DSG3: variants seen among roughly 807,000 people sequenced by gnomAD.
The protein encoded by DSG3 is desmoglein 3, also known as desmoglein-3.
A neutral mutation model predicts 85.9 loss-of-function variants in DSG3; 63 were observed. That is an observed-to-expected ratio of 0.73 (90% CI 0.60 to 0.90). The LOEUF is 0.90. DSG3 is among the 40% of genes least tolerant of loss of function. The probability of loss-of-function intolerance (pLI) is 0.00; values close to 1 mark genes in which losing one functional copy is unlikely to be tolerated. For synonymous variants in DSG3, 447 were observed against 441.9 expected (o/e 1.01, Z -0.14); for missense variants, 1,220 against 1,219.9 (o/e 1.00, Z 0.00).
In DSG3 at chr18:31,461,803, T is replaced by A. The variant is rs80272141; in HGVS notation, c.999+391T>A. On this transcript the variant is annotated intron_variant, in intron 8 of 15. Coordinates refer to ENST00000257189, the MANE Select transcript of DSG3 (RefSeq NM_001944.3). ...CAAGATAAGAATGGATGGAATCACG[T>A]CTTGCCCATTCGTCAATCGGTTTTA... Among the ~76,000 whole-genome samples the A allele has an allele frequency of 8.6e-3, 1,311 of 152,334 alleles. 18 individuals are homozygous for A. The highest frequency in any genetic ancestry group is 0.03 in the African/African-American group (1,257 of 41,576).
intron 12 of DSG3, among the ~76,000 whole-genome samples, chr18:31,470,351 T>C (rs1040563288): frequency 6.6e-6 from 1 of 152,164 alleles, no homozygotes; most frequent in African/African-American, 2.4e-5. Context: ...TGCAATATTT[T>C]TTCAGGTCCC....
intron 1 of DSG3, among the ~76,000 whole-genome samples, chr18:31,449,466 ATTC>A (rs1276903144): frequency 6.6e-6 from 1 of 151,392 alleles, no homozygotes; most frequent in Non-Finnish European, 1.5e-5. Flanking sequence ...GCTAAGGGGG[ATTC>A]TTTTTTTTTT....
intron 1 of DSG3, among the ~76,000 whole-genome samples, chr18:31,455,540 A>G (rs1320222807): frequency 6.6e-6 from 1 of 152,256 alleles, no homozygotes; most frequent in African/African-American, 2.4e-5. Context: ...GGTACAGAAT[A>G]TGTGTTGTAC....
chr18:31,449,722 A>G (rs966050400), intron 1 of DSG3, among the ~76,000 whole-genome samples: 1 of 152,202 alleles, frequency 6.6e-6, no homozygotes, highest in African/African-American at 2.4e-5. Context: ...AATGACATGT[A>G]TTTGGTTCCA....
chr18:31,458,526 T>G lies in DSG3; in HGVS notation c.298T>G (p.Phe100Val). Residue 100 changes from phenylalanine to valine, a missense_variant, in exon 4 of 16, where the codon TTT becomes GTT. Physicochemically the swap from Phe to Val is conservative, Grantham distance 50. Transcript: ENST00000257189. ...VGIDQPPFGIFVVDKNTGDIN... is the reference protein window; with the variant it reads ...VGIDQPPFGIVVVDKNTGDIN... ...AATCGATCAGCCGCCTTTTGGAATC[T>G]TTGTTGTTGACAAAAACACTGGAGA... 1.9e-6 allele frequency: 3 copies of G among 1,614,086 alleles called. No individual in the cohort carries two copies. Among genetic ancestry groups the G allele is most frequent in the Non-Finnish European group, 2.5e-6 (3 of 1,179,960 alleles).
chr18:31,475,819 T>TA lies in DSG3; in HGVS notation c.2565dup (p.Leu856ThrfsTer9), dbSNP rs1568092705. ...TCTTGGACTCACTTGGACCCAAATT[T>TA]AAAAAACTTGCAGAGATAAGCCTTG... On this transcript the variant is annotated frameshift_variant, in exon 16 of 16. Transcript: ENST00000257189. LOFTEE classifies it low-confidence loss of function (END_TRUNC). The TA allele has an allele frequency of 1.9e-6, 3 of 1,614,092 alleles. No individual in the cohort carries two copies. The South Asian group carries it at 3.3e-5, about 18-fold the overall frequency.
Position 31,458,969 on chromosome 18 carries a change from A to G in DSG3, c.373-64A>G, listed in dbSNP as rs1053241622. 8 of 1,558,934 alleles carry G rather than the reference A, an allele frequency of 5.1e-6. No individual in the cohort carries two copies. The Admixed American group carries it at 1.2e-4, about 24-fold the overall frequency. On this transcript the variant is annotated intron_variant, in intron 4 of 15. Coordinates refer to ENST00000257189, the MANE Select transcript of DSG3 (RefSeq NM_001944.3). Reference sequence around the variant, plus strand: ...CCATGCCAACAGAGGCCTTATTTATACAAGTTTTAATAGTATGAAAACTGA... The same window carrying G: ...CCATGCCAACAGAGGCCTTATTTATGCAAGTTTTAATAGTATGAAAACTGA...
rs1395703838 is a variant in DSG3, at chr18:31,459,177, A to G, written c.517A>G (p.Asn173Asp). 1.1e-5 allele frequency: 18 copies of G among 1,611,384 alleles called. No homozygotes were observed. The highest frequency in any genetic ancestry group is 2.1e-4 in the Middle Eastern group (1 of 4,746). The change falls in exon 5 of 16, where the codon AAC (asparagine) becomes GAC (aspartate). Residue 173 changes from asparagine to aspartate, a missense_variant and splice_region_variant. By Grantham distance (23) the Asn-to-Asp change is conservative. Coordinates refer to ENST00000257189, the MANE Select transcript of DSG3 (RefSeq NM_001944.3). ...TGAAATTGAAGAAAATAGTGCCTCAAGTAAGTCTTTTACAGTACTTACCAC... is the reference window on the plus strand; with the variant it reads ...TGAAATTGAAGAAAATAGTGCCTCAGGTAAGTCTTTTACAGTACTTACCAC... ...MGEIEENSAS[N>D]SLVMILNATD... is the part of the protein sequence containing the mutation.
In DSG3 at chr18:31,475,964, T is replaced by A; in HGVS notation, c.2704T>A (p.Ser902Thr). Residue 902 changes from serine (S) to threonine (T), a missense_variant, in exon 16 of 16, where the codon TCA becomes ACA. Physicochemically the swap from Ser to Thr is moderately conservative, Grantham distance 58. Coordinates refer to ENST00000257189, the MANE Select transcript of DSG3 (RefSeq NM_001944.3). ...AGGATTTGTTAAGTGCCAGACTTTG[T>A]CAGGAAGTCAAGGAGCTTCTGCTTT... ...QTGFVKCQTL[S>T]GSQGASALST... 2 of 1,614,232 alleles carry A rather than the reference T, an allele frequency of 1.2e-6. No individual in the cohort carries two copies. Among genetic ancestry groups the A allele is most frequent in the East Asian group, 4.5e-5 (2 of 44,882 alleles).
intron 1 of DSG3, among the ~76,000 whole-genome samples, chr18:31,449,533 T>C (rs2072698953): frequency 6.6e-6 from 1 of 152,216 alleles, no homozygotes; most frequent in Non-Finnish European, 1.5e-5. Flanking sequence ...GGAGTGACTG[T>C]GACATCCTTA....
rs770169881 is a variant in DSG3 at position 31,475,897 on chromosome 18, T to C, written c.2637T>C (p.Tyr879=). ...EVQPPSKDSG[Y]GIESCGHPIE... is the part of the protein sequence containing the mutation. ...AGCCACCCTCTAAAGACAGCGGTTA[T>C]GGGATTGAATCCTGTGGCCATCCCA... The change falls in exon 16 of 16, where the codon TAT becomes TAC. Residue 879 remains tyrosine (Y), a synonymous_variant. Coordinates refer to ENST00000257189, the MANE Select transcript of DSG3 (RefSeq NM_001944.3). 5.0e-6 allele frequency: 8 copies of C among 1,614,094 alleles called. No homozygotes were observed. In the South Asian group the frequency reaches 6.6e-5, roughly 13 times the overall value.
At chr18:31,457,521 CTCTTTCTTTCTT>C (rs142328218) in intron 3 of DSG3, among the ~76,000 whole-genome samples, 1 of 142,374 alleles carries the variant, frequency 7.0e-6, no homozygotes, top group Non-Finnish European at 1.5e-5. Flanking sequence ...TTATACTATT[CTCTTTCTTTCTT>C]TCTTTCTTTC....
chr18:31,454,646 A>G (rs1311297519), intron 1 of DSG3, among the ~76,000 whole-genome samples: 2 of 151,722 alleles, frequency 1.3e-5, no homozygotes, highest in South Asian at 2.1e-4. Context: ...ATTGACTGTC[A>G]TATAATTTTC....
At chr18:31,452,369 A>C (rs1403483968) in intron 1 of DSG3, among the ~76,000 whole-genome samples, 1 of 152,034 alleles carries the variant, frequency 6.6e-6, no homozygotes, top group Non-Finnish European at 1.5e-5. Flanking sequence ...AAATACAAAA[A>C]TTAGCTGGGC....
rs1568085976 is a variant in DSG3 at position 31,456,487 on chromosome 18, A to G, written c.84+12A>G. On this transcript the variant is annotated intron_variant, in intron 2 of 15. Transcript: ENST00000257189. ...AATTGCGAATAGAGGTAAAGTATGA[A>G]AAAGGTTTTTGTACTTAAAATAATA... The G allele has an allele frequency of 7.6e-7, 1 of 1,320,904 alleles. No homozygotes were observed. The highest frequency in any genetic ancestry group is 9.8e-7 in the Non-Finnish European group (1 of 1,023,318). The allele number at this position is 1,320,904 out of a possible 1,614,324, so 81.8% of individuals were successfully genotyped here. A position where few individuals can be genotyped will look rare whatever the true frequency, so the allele number is the denominator to read the frequency against.
intron 13 of DSG3, 64 bp from the exon 14 acceptor site, chr18:31,472,661 G>A: frequency 6.5e-7 from 1 of 1,536,106 alleles, no homozygotes; most frequent in Non-Finnish European, 9.0e-7. Flanking sequence ...AGGGCCACAT[G>A]TCACTATATT....
chr18:31,475,674 A>G lies in DSG3; in HGVS notation c.2414A>G (p.Asp805Gly), dbSNP rs1269825280. 2 of 1,614,000 alleles carry G rather than the reference A, an allele frequency of 1.2e-6. No individual in the cohort carries two copies. Among genetic ancestry groups the G allele is most frequent in the Non-Finnish European group, 8.5e-7 (1 of 1,180,026 alleles). ...GCATTTGCCTGTGCGGAGGAAGACG[A>G]TGGCCAGGAAGCAAATGACTGCTTG... ...QKAFACAEED[D>G]GQEANDCLLI... Residue 805 changes from aspartate (D) to glycine (G), a missense_variant, in exon 16 of 16, where the codon GAT becomes GGT. Asp to Gly is a moderately conservative substitution (Grantham distance 94). Coordinates refer to ENST00000257189, the MANE Select transcript of DSG3 (RefSeq NM_001944.3).
intron 1 of DSG3, 103 bp downstream of exon 1, chr18:31,448,028 A>G: frequency 1.2e-6 from 1 of 824,788 alleles, no homozygotes; most frequent in Non-Finnish European, 1.7e-6. Flanking sequence ...TTCTAAAAGG[A>G]GTGCAGTGGA....
chr18:31,460,956 T>A lies in DSG3; in HGVS notation c.808T>A (p.Ser270Thr). 1 of 1,594,444 alleles carries A rather than the reference T, an allele frequency of 6.3e-7. No homozygotes were observed. The highest frequency in any genetic ancestry group is 8.5e-7 in the Non-Finnish European group (1 of 1,174,988). Residue 270 changes from serine (S) to threonine (T), a missense_variant, in exon 7 of 16, where the codon TCT (serine) becomes ACT (threonine). Ser to Thr is a moderately conservative substitution (Grantham distance 58). Coordinates refer to ENST00000257189, the MANE Select transcript of DSG3 (RefSeq NM_001944.3). ...VNDNFPMFRDSQYSARIEENI... is the reference protein window; with the variant it reads ...VNDNFPMFRDTQYSARIEENI... ...CGATAACTTCCCAATGTTTAGAGACTCTCAGGTACACCCATTGCTCCTTAA... is the reference window on the plus strand; with the variant it reads ...CGATAACTTCCCAATGTTTAGAGACACTCAGGTACACCCATTGCTCCTTAA...
Sources: allele counts gnomAD v4.1 joint callset (sites outside exome capture counted in the v4.1 genomes callset), GRCh38; gene constraint gnomAD v4.1.1; transcripts MANE v1.5; gene names NCBI Gene and HGNC (gene_info 2026-07-23, HGNC 2026-07-21).